PDZRN3: variants seen among roughly 807,000 people sequenced by gnomAD.
The protein encoded by PDZRN3 is PDZ domain containing ring finger 3.
In PDZRN3, 38 loss-of-function variants were observed where a neutral mutation model predicts 85.7. The ratio of observed to expected loss-of-function variants is 0.44; its 90% CI spans 0.34 to 0.58. The LOEUF is 0.58. Ranked by LOEUF, PDZRN3 falls within the 20% of genes least tolerant of loss-of-function variation. The probability of loss-of-function intolerance (pLI) is 0.01; values close to 1 mark genes in which losing one functional copy is unlikely to be tolerated. For synonymous variants in PDZRN3, 759 were observed against 638.0 expected (o/e 1.19, Z -2.86); for missense variants, 1,629 against 1,506.4 (o/e 1.08, Z -1.35).
At chr3:73,406,019 A>G (rs2106733498) in intron 3 of PDZRN3, among the ~76,000 whole-genome samples, 1 of 152,336 alleles carries the variant, frequency 6.6e-6, no homozygotes, top group East Asian at 1.9e-4. Flanking sequence ...GCCCAAATGA[A>G]TCATGCCAGT....
Position 73,476,132 on chromosome 3 carries a change from T to A in PDZRN3, c.919-71737A>T, listed in dbSNP as rs191173765. On this transcript the variant is annotated intron_variant, in intron 3 of 9. Transcript: ENST00000263666. Reference sequence around the variant, plus strand: ...CTGGTACACAGGCCCTTGGATAATATCTTAGTTCGTTCTTGCATTGCTATA... The same window carrying A: ...CTGGTACACAGGCCCTTGGATAATAACTTAGTTCGTTCTTGCATTGCTATA... 3.3e-3 allele frequency among the ~76,000 whole-genome samples: 502 copies of A among 152,278 alleles called. 1 individual carries two copies. The highest frequency in any genetic ancestry group is 4.9e-3 in the Non-Finnish European group (332 of 68,016).
intron 1 of PDZRN3, among the ~76,000 whole-genome samples, chr3:73,612,666 T>C (rs1197818936): frequency 6.6e-6 from 1 of 152,172 alleles, no homozygotes; most frequent in Non-Finnish European, 1.5e-5. Flanking sequence ...GTTTTGGGCA[T>C]TGTCTTAATT....
chr3:73,427,070 C>T (rs1702331121), intron 3 of PDZRN3, among the ~76,000 whole-genome samples: 2 of 152,108 alleles, frequency 1.3e-5, no homozygotes, highest in South Asian at 4.1e-4. Flanking sequence ...AAAATTATCC[C>T]ATGAGGCAGG....
intron 5 of PDZRN3, among the ~76,000 whole-genome samples, chr3:73,397,598 C>G (rs1677786346): frequency 6.6e-6 from 1 of 152,222 alleles, no homozygotes; most frequent in Non-Finnish European, 1.5e-5. Context: ...ACCTCTGAAA[C>G]AGAGCAATGC....
At chr3:73,408,519 T>C (rs1701899594) in intron 3 of PDZRN3, among the ~76,000 whole-genome samples, 2 of 151,910 alleles carry the variant, frequency 1.3e-5, no homozygotes, top group Non-Finnish European at 1.5e-5. Context: ...TCCCTGCCCA[T>C]CTTGTGTGTT....
rs185054875 is a variant in PDZRN3, at chr3:73,567,877, T to C, written c.918+34477A>G. On this transcript the variant is annotated intron_variant, in intron 3 of 9. Coordinates refer to ENST00000263666, the MANE Select transcript of PDZRN3 (RefSeq NM_015009.3). ...AGGGTCCTTGCCTTCATGGAGTTTA[T>C]GTGTTTTTGTTCTAATGCTGGAGAC... Among the ~76,000 whole-genome samples, 61 of 152,354 alleles carry C rather than the reference T, an allele frequency of 4.0e-4. No individual in the cohort carries two copies. The East Asian group carries it at 0.011, about 27-fold the overall frequency.
At chr3:73,622,720 A>G (rs1297112573) in intron 1 of PDZRN3, among the ~76,000 whole-genome samples, 5 of 152,200 alleles carry the variant, frequency 3.3e-5, no homozygotes, top group Non-Finnish European at 7.3e-5. Flanking sequence ...GTAGAATCTG[A>G]GTCCGGCTCT....
In PDZRN3 at chr3:73,579,102, G is replaced by C. The variant is rs1377415481; in HGVS notation, c.918+23252C>G. On this transcript the variant is annotated intron_variant, in intron 3 of 9. Coordinates refer to ENST00000263666, the MANE Select transcript of PDZRN3 (RefSeq NM_015009.3). ...ATAGTACTAAGAGGTGGGGTCTTGG[G>C]GAGGTGGTTAAGTCTTGAGGGTTCT... Among the ~76,000 whole-genome samples the C allele has an allele frequency of 8.5e-5, 13 of 152,182 alleles. 1 individual carries two copies. The highest frequency in any genetic ancestry group is 3.1e-4 in the African/African-American group (13 of 41,530).
At chr3:73,503,940 T>C (rs968406850) in intron 3 of PDZRN3, among the ~76,000 whole-genome samples, 1 of 152,198 alleles carries the variant, frequency 6.6e-6, no homozygotes, top group African/African-American at 2.4e-5. Context: ...GACTTCTGCA[T>C]CTGAAACGTA....
At chr3:73,427,081 C>CAATT (rs1352109348) in intron 3 of PDZRN3, among the ~76,000 whole-genome samples, 1 of 152,128 alleles carries the variant, frequency 6.6e-6, no homozygotes, top group African/African-American at 2.4e-5. Context: ...ATGAGGCAGG[C>CAATT]AATTAGTAGA....
chr3:73,579,809 C>T (rs537421042), intron 3 of PDZRN3, among the ~76,000 whole-genome samples: 1 of 152,112 alleles, frequency 6.6e-6, no homozygotes, highest in Non-Finnish European at 1.5e-5. Flanking sequence ...GGATCTATCC[C>T]ATTATGTATG....
intron 3 of PDZRN3, among the ~76,000 whole-genome samples, chr3:73,448,606 G>C (rs1280052362): frequency 6.6e-6 from 1 of 151,870 alleles, no homozygotes; most frequent in Non-Finnish European, 1.5e-5. Flanking sequence ...TTTTCCTGGG[G>C]ACTAAGCTGC....
intron 3 of PDZRN3, among the ~76,000 whole-genome samples, chr3:73,515,398 G>A (rs1041091980): frequency 6.6e-6 from 1 of 151,934 alleles, no homozygotes; most frequent in Non-Finnish European, 1.5e-5. Flanking sequence ...GGATGGTCTC[G>A]ATCTCCTGAC....
chr3:73,383,700 C>T lies in PDZRN3; in HGVS notation c.2866G>A (p.Gly956Ser), dbSNP rs1462448959. The T allele has an allele frequency of 4.3e-6, 7 of 1,611,630 alleles. No individual in the cohort carries two copies. The highest frequency in any genetic ancestry group is 4.5e-5 in the East Asian group (2 of 44,860). ...RALKIREERS[G>S]MTTDDDAVSE... is the part of the protein sequence containing the mutation. The stretch of plus-strand genomic sequence containing the variant: ...ACCGCGTCGTCGTCGGTGGTCATGC[C>T]GCTGCGCTCTTCCCGGATCTTCAGG... Residue 956 changes from glycine (G) to serine (S), a missense_variant, in exon 10 of 10, where the codon GGC becomes AGC. Coordinates refer to ENST00000263666, the MANE Select transcript of PDZRN3 (RefSeq NM_015009.3).
chr3:73,461,576 TACA>T lies in PDZRN3; in HGVS notation c.919-57184_919-57182del, dbSNP rs145399556. 9.5e-4 allele frequency among the ~76,000 whole-genome samples: 144 copies of T among 152,350 alleles called. 1 individual carries two copies. Among genetic ancestry groups the T allele is most frequent in the South Asian group, 2.1e-3 (10 of 4,824 alleles). ...AGACACCATCTCCCCATCCTCACCC[TACA>T]ACAACAGTTGAAGTTCCTAAGATAA... On this transcript the variant is annotated intron_variant, in intron 3 of 9. Coordinates refer to ENST00000263666, the MANE Select transcript of PDZRN3 (RefSeq NM_015009.3).
At chr3:73,591,235 G>A (rs1396446557) in intron 3 of PDZRN3, among the ~76,000 whole-genome samples, 1 of 152,126 alleles carries the variant, frequency 6.6e-6, no homozygotes, top group East Asian at 1.9e-4. Context: ...TATTACTCAT[G>A]AGTCATTATA....
At chr3:73,435,395 G>A (rs549270849) in intron 3 of PDZRN3, among the ~76,000 whole-genome samples, 1 of 152,322 alleles carries the variant, frequency 6.6e-6, no homozygotes, top group Admixed American at 6.5e-5. Flanking sequence ...CGGGGCAGCT[G>A]CAGTAATTGC....
chr3:73,585,856 A>C (rs1702269799), intron 3 of PDZRN3, among the ~76,000 whole-genome samples: 1 of 152,202 alleles, frequency 6.6e-6, no homozygotes, highest in South Asian at 2.1e-4. Context: ...AATGTTAAAT[A>C]TTTTCCAAAA....
chr3:73,623,043 C>T (rs1290003366), intron 1 of PDZRN3, among the ~76,000 whole-genome samples: 1 of 152,150 alleles, frequency 6.6e-6, no homozygotes, highest in East Asian at 1.9e-4. Context: ...GTCACACCAA[C>T]CTCACTTGAT....
Sources: allele counts gnomAD v4.1 joint callset (sites outside exome capture counted in the v4.1 genomes callset), GRCh38; gene constraint gnomAD v4.1.1; transcripts MANE v1.5; gene names NCBI Gene and HGNC (gene_info 2026-07-23, HGNC 2026-07-21).